KCNN3: variants seen among roughly 807,000 people sequenced by gnomAD.
KCNN3 encodes the protein potassium calcium-activated channel subfamily N member 3, also known as small conductance calcium-activated potassium channel protein 3.
A neutral mutation model predicts 62.9 loss-of-function variants in KCNN3; 16 were observed. The ratio of observed to expected loss-of-function variants is 0.25; its 90% CI spans 0.17 to 0.39. The LOEUF (loss-of-function observed/expected upper bound fraction) is 0.39. Among genes scored for constraint, KCNN3 ranks in the 10% least tolerant of loss-of-function variants. The pLI, the probability that KCNN3 is intolerant of heterozygous loss-of-function variation, is 1.00. For missense variants in KCNN3, 599 were observed against 949.4 expected, an observed-to-expected ratio of 0.63 and a Z score of 4.85; for synonymous variants, 370 against 389.2, an observed-to-expected ratio of 0.95 and a Z score of 0.58.
chr1:154,841,715 C>A (rs1474825223), intron 1 of KCNN3, among the ~76,000 whole-genome samples: 2 of 152,136 alleles, frequency 1.3e-5, no homozygotes, highest in Non-Finnish European at 2.9e-5. Context: ...CTACTACATC[C>A]CCATCCCCGA....
At chr1:154,849,487 C>T (rs1652221407) in intron 1 of KCNN3, among the ~76,000 whole-genome samples, 1 of 152,240 alleles carries the variant, frequency 6.6e-6, no homozygotes, top group Non-Finnish European at 1.5e-5. Context: ...CCACTCAGTC[C>T]ACACCACAGC....
At chr1:154,767,989 G>A (rs576111794) in intron 3 of KCNN3, among the ~76,000 whole-genome samples, 96 of 152,340 alleles carry the variant, frequency 6.3e-4, no homozygotes, top group African/African-American at 2.0e-3. Flanking sequence ...TCAGAAGTGT[G>A]TGTATACAAC....
chr1:154,757,194 G>C (rs1647765217), intron 3 of KCNN3, among the ~76,000 whole-genome samples: 1 of 152,238 alleles, frequency 6.6e-6, no homozygotes, highest in African/African-American at 2.4e-5. Flanking sequence ...CAAACAATCT[G>C]TTGAGAAATC....
chr1:154,797,872 T>A (rs569048028), intron 2 of KCNN3, among the ~76,000 whole-genome samples: 14 of 152,216 alleles, frequency 9.2e-5, no homozygotes, highest in Non-Finnish European at 2.1e-4. Context: ...CTTTTAGGTG[T>A]CTTCTCTCTC....
At chr1:154,714,328 GT>G (rs1571203803) in intron 6 of KCNN3, among the ~76,000 whole-genome samples, 252 of 133,564 alleles carry the variant, frequency 1.9e-3, no homozygotes, top group Middle Eastern at 0.01. Context: ...AGGTGTGTGT[GT>G]GTGGTGTTTG....
rs114640606 is a variant in KCNN3, at chr1:154,844,711, G to A, written c.934-22527C>T. The stretch of plus-strand genomic sequence containing the variant: ...ACATTTTTACCCTCATTTTAGACAT[G>A]AGGAAACTAGGGGGCCAGTTGCAGT... On this transcript the variant is annotated intron_variant, in intron 1 of 7. Transcript: ENST00000271915. 7.2e-3 allele frequency among the ~76,000 whole-genome samples: 1,101 copies of A among 152,324 alleles called. 7 individuals are homozygous for A. Among genetic ancestry groups the A allele is most frequent in the African/African-American group, 0.025 (1,055 of 41,576 alleles).
At position 154,698,009 on chromosome 1, in the gene KCNN3, A is replaced by G. The variant is rs1470994793; in HGVS notation, c.*9967T>C. On this transcript the variant is annotated 3_prime_UTR_variant, in exon 8 of 8. Transcript: ENST00000271915. Reference sequence around the variant, plus strand: ...TTACTGTGTATAAGTATAAAGTACTATTATTTAGTAATCACTGAGTTGGTA... The same window carrying G: ...TTACTGTGTATAAGTATAAAGTACTGTTATTTAGTAATCACTGAGTTGGTA... The G allele has an allele frequency of 6.6e-6, 1 of 152,156 alleles. No individual in the cohort carries two copies. The highest frequency in any genetic ancestry group is 1.5e-5 in the Non-Finnish European group (1 of 68,012). 9.4% of individuals were successfully genotyped at this position (152,156 alleles called of 1,614,324 possible). A position where few individuals can be genotyped will look rare whatever the true frequency, so the allele number is the denominator to read the frequency against.
chr1:154,771,820 A>G (rs1314917528), intron 3 of KCNN3, 155 bp downstream of exon 3: 1 of 784,222 alleles, frequency 1.3e-6, no homozygotes, highest in Non-Finnish European at 2.2e-6. Flanking sequence ...ACTGAACCCC[A>G]ACTCAGCACT....
rs890951431 is a variant in KCNN3, at chr1:154,697,690, C to G, written c.*10286G>C. On this transcript the variant is annotated 3_prime_UTR_variant, in exon 8 of 8. Coordinates refer to ENST00000271915, the MANE Select transcript of KCNN3 (RefSeq NM_002249.6). ...CAGACCCACACACCAGCCCACCACT[C>G]TCATTCCAGATGCCCTAAGCCTGGG... 6.6e-6 allele frequency: 1 copy of G among 152,272 alleles called. No individual in the cohort carries two copies. The allele number at this position is 152,272 out of a possible 1,614,324, so 9.4% of individuals were successfully genotyped here.
At chr1:154,770,311 C>T (rs1392486558) in intron 3 of KCNN3, among the ~76,000 whole-genome samples, 4 of 152,232 alleles carry the variant, frequency 2.6e-5, no homozygotes, top group Non-Finnish European at 4.4e-5. Context: ...GCAGAATGCC[C>T]TCTCAGTTTG....
At chr1:154,743,568 T>C (rs1700873706) in intron 3 of KCNN3, among the ~76,000 whole-genome samples, 2 of 152,206 alleles carry the variant, frequency 1.3e-5, no homozygotes, top group African/African-American at 2.4e-5. Flanking sequence ...TGACTTACAA[T>C]GGTGCCACTT....
chr1:154,716,079 TCACTGTG>T (rs1700228352), intron 5 of KCNN3, among the ~76,000 whole-genome samples: 3 of 152,344 alleles, frequency 2.0e-5, no homozygotes, highest in South Asian at 4.1e-4. Context: ...GCTGGCTCCT[TCACTGTG>T]CACTGCAATC....
chr1:154,864,767 G>A (rs546271033), intron 1 of KCNN3, among the ~76,000 whole-genome samples: 11 of 152,362 alleles, frequency 7.2e-5, no homozygotes, highest in South Asian at 2.1e-4. Flanking sequence ...GAGGAGCAGA[G>A]GGGCAGGAAA....
At chr1:154,814,946 G>A (rs1012133477) in intron 2 of KCNN3, among the ~76,000 whole-genome samples, 2 of 152,214 alleles carry the variant, frequency 1.3e-5, no homozygotes, top group African/African-American at 4.8e-5. Flanking sequence ...CTTGTGTGCT[G>A]TGATCATCCA....
At chr1:154,811,298 A>G (rs1335791238) in intron 2 of KCNN3, among the ~76,000 whole-genome samples, 1 of 152,222 alleles carries the variant, frequency 6.6e-6, no homozygotes, top group East Asian at 1.9e-4. Flanking sequence ...AAGGCCACAC[A>G]GAAAATGACA....
chr1:154,847,797 G>A (rs1197484191), intron 1 of KCNN3, among the ~76,000 whole-genome samples: 1 of 152,160 alleles, frequency 6.6e-6, no homozygotes, highest in Non-Finnish European at 1.5e-5. Flanking sequence ...CTAAGAACAT[G>A]ACACCTGCGT....
At chr1:154,735,964 C>T (rs905266552) in intron 3 of KCNN3, among the ~76,000 whole-genome samples, 1 of 152,242 alleles carries the variant, frequency 6.6e-6, no homozygotes, top group African/African-American at 2.4e-5. Context: ...AATACAGTCA[C>T]AGCCAGGGTC....
At chr1:154,806,469 G>A (rs1650177620) in intron 2 of KCNN3, among the ~76,000 whole-genome samples, 1 of 152,218 alleles carries the variant, frequency 6.6e-6, no homozygotes, top group African/African-American at 2.4e-5. Flanking sequence ...TTATACAGAG[G>A]AGGAAACAGA....
chr1:154,838,309 A>T (rs369032381), intron 1 of KCNN3, among the ~76,000 whole-genome samples: 22 of 151,652 alleles, frequency 1.5e-4, no homozygotes, highest in African/African-American at 4.6e-4. Flanking sequence ...TCCTTCCCCT[A>T]CTCCCGGGCT....
Sources: gnomAD v4.1 joint callset for allele counts (sites outside exome capture counted in the v4.1 genomes callset) on GRCh38, gnomAD v4.1.1 for gene constraint, MANE v1.5 for transcripts, NCBI Gene and HGNC (gene_info 2026-07-23, HGNC 2026-07-21) for gene names.